The following ST6GAL2 variants were observed in gnomAD, a reference collection of about 807,000 sequenced individuals.
ST6GAL2 encodes beta-galactoside alpha-2,6-sialyltransferase 2.
A neutral mutation model predicts 37.5 loss-of-function variants in ST6GAL2; 24 were observed. That is an observed-to-expected ratio of 0.64 (90% CI 0.46 to 0.90). The LOEUF (loss-of-function observed/expected upper bound fraction) is 0.90, where lower values mean the gene tolerates loss of function less well. Ranked by LOEUF, ST6GAL2 falls within the 40% of genes least tolerant of loss-of-function variation. The probability of loss-of-function intolerance (pLI) is 0.00; values close to 1 mark genes in which losing one functional copy is unlikely to be tolerated. For missense variants in ST6GAL2, 715 were observed against 712.7 expected, an observed-to-expected ratio of 1.00 and a Z score of -0.04; for synonymous variants, 306 against 295.1, an observed-to-expected ratio of 1.04 and a Z score of -0.38.
chr2:106,846,281 A>G (rs1439298115), intron 1 of ST6GAL2, among the ~76,000 whole-genome samples: 3 of 152,234 alleles, frequency 2.0e-5, no homozygotes, highest in Non-Finnish European at 2.9e-5. Context: ...TGAGATGTGT[A>G]TAGATGTGTA....
chr2:106,831,862 G>T (rs983111422), intron 4 of ST6GAL2, among the ~76,000 whole-genome samples: 4 of 152,196 alleles, frequency 2.6e-5, no homozygotes, highest in African/African-American at 9.7e-5. Context: ...CTCATTTACA[G>T]AACTGACAGC....
At chr2:106,855,608 G>T (rs1226399767) in intron 1 of ST6GAL2, among the ~76,000 whole-genome samples, 1 of 151,940 alleles carries the variant, frequency 6.6e-6, no homozygotes, top group Admixed American at 6.6e-5. Flanking sequence ...AGAAAAAATT[G>T]GAAGTAAATA....
intron 1 of ST6GAL2, among the ~76,000 whole-genome samples, chr2:106,885,027 T>C (rs979889212): frequency 1.3e-5 from 2 of 150,504 alleles, no homozygotes; most frequent in African/African-American, 4.9e-5. Context: ...TCTTCCTTGG[T>C]CATAAATTAT....
At position 106,830,214 on chromosome 2, in the gene ST6GAL2, C is replaced by G. The variant is rs374052644; in HGVS notation, c.1170G>C (p.Leu390=). Residue 390 remains leucine (L), a synonymous_variant, in exon 5 of 6, where the codon CTG becomes CTC. Transcript: ENST00000409382. ...NLWYKKPDYN[L]FTPYIQHRQR... ...GACGATGCTGAATATATGGAGTGAACAGGTTGTAATCCGGTTTTTTGTACC... is the reference window on the plus strand; with the variant it reads ...GACGATGCTGAATATATGGAGTGAAGAGGTTGTAATCCGGTTTTTTGTACC... 1 of 1,612,718 alleles carries G rather than the reference C, an allele frequency of 6.2e-7. No homozygotes were observed. The highest frequency in any genetic ancestry group is 8.5e-7 in the Non-Finnish European group (1 of 1,179,822).
intron 1 of ST6GAL2, among the ~76,000 whole-genome samples, chr2:106,885,265 T>C (rs1279474480): frequency 6.6e-6 from 1 of 151,950 alleles, no homozygotes; most frequent in Non-Finnish European, 1.5e-5. Context: ...CAACCAAATA[T>C]GGTTTGCCTC....
At position 106,878,813 on chromosome 2, in the gene ST6GAL2, G is replaced by A. The variant is rs139013970; in HGVS notation, c.-58+7280C>T. Among the ~76,000 whole-genome samples the A allele has an allele frequency of 2.0e-3, 311 of 152,266 alleles. 1 individual carries two copies. The highest frequency in any genetic ancestry group is 6.5e-3 in the African/African-American group (272 of 41,542). ...CTGGAACCAATCCCCTAAGGATACTGAGGGATGACTATATTTCTACATCAT... is the reference window on the plus strand; with the variant it reads ...CTGGAACCAATCCCCTAAGGATACTAAGGGATGACTATATTTCTACATCAT... On this transcript the variant is annotated intron_variant, in intron 1 of 5. Coordinates refer to ENST00000409382, the MANE Select transcript of ST6GAL2 (RefSeq NM_001142351.2).
intron 1 of ST6GAL2, among the ~76,000 whole-genome samples, chr2:106,881,374 T>C (rs1054923497): frequency 6.6e-6 from 1 of 152,232 alleles, no homozygotes; most frequent in Non-Finnish European, 1.5e-5. Context: ...AACAAATCCA[T>C]TCATTTAATC....
At chr2:106,848,727 A>C (rs1677242609) in intron 1 of ST6GAL2, among the ~76,000 whole-genome samples, 1 of 152,228 alleles carries the variant, frequency 6.6e-6, no homozygotes, top group Admixed American at 6.5e-5. Context: ...TCAGATGTAA[A>C]ATTAAATAAT....
chr2:106,842,688 G>A (rs924777561), intron 2 of ST6GAL2, among the ~76,000 whole-genome samples: 2 of 152,172 alleles, frequency 1.3e-5, no homozygotes, highest in Non-Finnish European at 2.9e-5. Flanking sequence ...GGTTTCTATG[G>A]GATACGAAGT....
At chr2:106,857,505 G>A (rs781552157) in intron 1 of ST6GAL2, among the ~76,000 whole-genome samples, 16 of 152,130 alleles carry the variant, frequency 1.1e-4, no homozygotes, top group Non-Finnish European at 2.2e-4. Flanking sequence ...TCGGGAGGCT[G>A]AGGCAGGAGA....
chr2:106,842,284 G>A (rs552383734), intron 2 of ST6GAL2, among the ~76,000 whole-genome samples: 8 of 152,194 alleles, frequency 5.3e-5, no homozygotes, highest in Non-Finnish European at 1.0e-4. Context: ...TACAGGAGCT[G>A]GGAAACATGT....
chr2:106,871,105 C>T (rs761212301), intron 1 of ST6GAL2, among the ~76,000 whole-genome samples: 8 of 152,180 alleles, frequency 5.3e-5, no homozygotes, highest in Non-Finnish European at 1.0e-4. Flanking sequence ...TGCTCCTAGG[C>T]TGCAAACGTG....
chr2:106,848,203 G>T (rs898322352), intron 1 of ST6GAL2, among the ~76,000 whole-genome samples: 1 of 151,862 alleles, frequency 6.6e-6, no homozygotes, highest in African/African-American at 2.4e-5. Context: ...TGATCTTTCT[G>T]GTGATCAGAG....
chr2:106,853,303 C>T (rs566894286), intron 1 of ST6GAL2, among the ~76,000 whole-genome samples: 169 of 152,294 alleles, frequency 1.1e-3, no homozygotes, highest in African/African-American at 3.8e-3. Context: ...AACTGCCAGG[C>T]GGATTTTGCC....
chr2:106,841,415 C>T (rs1007390669), intron 2 of ST6GAL2, among the ~76,000 whole-genome samples: 1 of 152,208 alleles, frequency 6.6e-6, no homozygotes, highest in African/African-American at 2.4e-5. Context: ...GTGTACAGGA[C>T]ATGATTGTTT....
chr2:106,860,320 G>C lies in ST6GAL2; in HGVS notation c.-57-16286C>G, dbSNP rs182473496. Among the ~76,000 whole-genome samples, 816 of 152,310 alleles carry C rather than the reference G, an allele frequency of 5.4e-3. 6 individuals are homozygous for C. The highest frequency in any genetic ancestry group is 0.019 in the African/African-American group (770 of 41,564). On this transcript the variant is annotated intron_variant, in intron 1 of 5. Transcript: ENST00000409382. ...ATCCTCAGAGCCTGGAACAGTGCCT[G>C]GCATACAGTAAGTACTCAGTCAGTC...
At chr2:106,856,002 C>T (rs1411960086) in intron 1 of ST6GAL2, among the ~76,000 whole-genome samples, 2 of 152,196 alleles carry the variant, frequency 1.3e-5, no homozygotes, top group African/African-American at 2.4e-5. Flanking sequence ...ACAACGATTA[C>T]AATCCTGACT....
At chr2:106,842,458 C>T (rs947560837) in intron 2 of ST6GAL2, among the ~76,000 whole-genome samples, 4 of 152,190 alleles carry the variant, frequency 2.6e-5, no homozygotes, top group African/African-American at 7.2e-5. Context: ...GGAACTTATT[C>T]TCCCATGGGA....
chr2:106,850,191 A>G (rs1677301294), intron 1 of ST6GAL2, among the ~76,000 whole-genome samples: 1 of 152,114 alleles, frequency 6.6e-6, no homozygotes, highest in African/African-American at 2.4e-5. Flanking sequence ...GACATATGGG[A>G]AAGGAAGGGA....
Sources: gnomAD v4.1 joint callset for allele counts (sites outside exome capture counted in the v4.1 genomes callset) on GRCh38, gnomAD v4.1.1 for gene constraint, MANE v1.5 for transcripts, NCBI Gene and HGNC (gene_info 2026-07-23, HGNC 2026-07-21) for gene names.